EXOC3: variants seen among roughly 807,000 people sequenced by gnomAD.
EXOC3 encodes the protein exocyst complex component 3, also known as SEC6-like 1.
In EXOC3, 21 loss-of-function variants were observed where a neutral mutation model predicts 73.7. That is an observed-to-expected ratio of 0.29 (90% confidence interval 0.20 to 0.41). EXOC3 has a LOEUF of 0.41. EXOC3 is among the 10% of genes least tolerant of loss of function. The pLI is 1.00. For synonymous variants in EXOC3, 410 were observed against 389.1 expected (o/e 1.05, Z -0.63); for missense variants, 842 against 985.1 (o/e 0.85, Z 1.95).
At chr5:456,290 A>C (rs1737805911) in intron 4 of EXOC3, among the ~76,000 whole-genome samples, 1 of 152,208 alleles carries the variant, frequency 6.6e-6, no homozygotes, top group African/African-American at 2.4e-5. Context: ...CTATGGAAAT[A>C]GTTGTTCTAT....
intron 4 of EXOC3, among the ~76,000 whole-genome samples, chr5:454,867 C>CCT (rs1737758385): frequency 2.7e-5 from 2 of 73,468 alleles, no homozygotes; most frequent in Non-Finnish European, 4.9e-5. Context: ...GAATAAACCT[C>CCT]ATTTTTTTTT....
In EXOC3 at chr5:447,715, C is replaced by T. The variant is rs778362884; in HGVS notation, c.327C>T (p.Leu109=). Residue 109 remains leucine (L), a synonymous_variant, in exon 3 of 13, where the codon CTC becomes CTT. Transcript: ENST00000512944. ...ACGCCGTGGTGCAGCACAGCCAGCT[C>T]GCCGCAGCCGTGGAGAACCTCAAGA... ...VKDAVVQHSQ[L]AAAVENLKNI... 72 of 1,582,560 alleles carry T rather than the reference C, an allele frequency of 4.5e-5. No homozygotes were observed. Among genetic ancestry groups the T allele is most frequent in the Non-Finnish European group, 5.7e-5 (66 of 1,162,934 alleles).
chr5:465,351 C>T (rs1738111803), intron 11 of EXOC3, 79 bp downstream of exon 11: 2 of 1,455,258 alleles, frequency 1.4e-6, no homozygotes, highest in East Asian at 2.5e-5. Flanking sequence ...GGACTCGGGC[C>T]AGTAGATGGG....
rs761437709 is a variant in EXOC3, at chr5:457,983, G to A, written c.1248G>A (p.Gln416=). The A allele has an allele frequency of 5.0e-6, 8 of 1,612,760 alleles. No homozygotes were observed. Among genetic ancestry groups the A allele is most frequent in the Non-Finnish European group, 6.8e-6 (8 of 1,179,350 alleles). Residue 416 remains glutamine, a synonymous_variant, in exon 6 of 13, where the codon CAG becomes CAA. Transcript: ENST00000512944. ...AAGAGACAGAGCCAGAAGCCGACCA[G>A]GACGGGTACTACCAGACCACACTCC... ...WVKETEPEAD[Q]DGYYQTTLPA...
intron 9 of EXOC3, among the ~76,000 whole-genome samples, chr5:464,062 C>G (rs2434695): frequency 0.58 from 87,518 of 151,994 alleles, 26,477 homozygotes; most frequent in African/African-American, 0.79. Flanking sequence ...ACGGAAGTGC[C>G]TCCCTCCCAC....
intron 2 of EXOC3, among the ~76,000 whole-genome samples, chr5:446,631 G>A (rs1350015998): frequency 6.6e-6 from 1 of 152,208 alleles, no homozygotes; most frequent in Non-Finnish European, 1.5e-5. Context: ...GCCGAGGCAG[G>A]CGGATCACCT....
At chr5:457,792 T>C (rs1271678042) in intron 5 of EXOC3, 108 bp from the exon 6 acceptor site, 4 of 1,221,864 alleles carry the variant, frequency 3.3e-6, no homozygotes, top group Non-Finnish European at 4.5e-6. Context: ...GCTGGTGCCC[T>C]GTGTCTGGTT....
Position 462,210 on chromosome 5 carries a change from G to T in EXOC3, c.1556G>T (p.Gly519Val), listed in dbSNP as rs779396819. ...TATTTAAAGAATGAAGTGGAAGAGG[G>T]TGTGTCTCCGAGCCAGCCCAGCATG... ...RKYLKNEVEE[G>V]VSPSQPSMDG... Residue 519 changes from glycine (G) to valine (V), a missense_variant, in exon 9 of 13, where the codon GGT becomes GTT. Coordinates refer to ENST00000512944, the MANE Select transcript of EXOC3 (RefSeq NM_007277.5). The T allele has an allele frequency of 4.8e-5, 78 of 1,613,860 alleles. No individual in the cohort carries two copies. In the Middle Eastern group the frequency reaches 4.9e-4, roughly 10 times the overall value.
intron 1 of EXOC3, among the ~76,000 whole-genome samples, chr5:445,792 G>T (rs563240368): frequency 6.6e-6 from 1 of 152,308 alleles, no homozygotes; most frequent in East Asian, 1.9e-4. Context: ...GCCTGGCCAA[G>T]GTGCTGGGGG....
chr5:459,442 G>T lies in EXOC3; in HGVS notation c.1374G>T (p.Met458Ile), dbSNP rs1737918345. The T allele has an allele frequency of 6.5e-7, 1 of 1,545,838 alleles. No homozygotes were observed. Among genetic ancestry groups the T allele is most frequent in the East Asian group, 2.3e-5 (1 of 43,698 alleles). The stretch of plus-strand genomic sequence containing the variant: ...TACTAGTTTTATGTCTTCAGCAGAT[G>T]AATTCTTTCCTAAGCAGGTATGTCT... ...TKVLVLCLQQ[M>I]NSFLSRYKDE... The change falls in exon 7 of 13, where the codon ATG becomes ATT. Residue 458 changes from methionine (M) to isoleucine (I), a missense_variant. Coordinates refer to ENST00000512944, the MANE Select transcript of EXOC3 (RefSeq NM_007277.5).
chr5:456,823 G>C, intron 4 of EXOC3, 66 bp from the exon 5 acceptor site: 1 of 1,219,918 alleles, frequency 8.2e-7, no homozygotes, highest in Non-Finnish European at 1.2e-6. Flanking sequence ...AACAGTCTCG[G>C]CACACTTGGG....
intron 11 of EXOC3, 132 bp downstream of exon 11, chr5:465,404 G>T: frequency 9.3e-7 from 1 of 1,079,652 alleles, no homozygotes. Context: ...CTGGGTCCAG[G>T]TCCTGCCTGA....
chr5:463,816 C>A (rs1213384779), intron 9 of EXOC3, among the ~76,000 whole-genome samples: 2 of 152,156 alleles, frequency 1.3e-5, no homozygotes, highest in Non-Finnish European at 1.5e-5. Context: ...TTTAAATGTC[C>A]ATCAATAGAG....
At chr5:450,436 G>C (rs1400936676) in intron 3 of EXOC3, among the ~76,000 whole-genome samples, 1 of 152,178 alleles carries the variant, frequency 6.6e-6, no homozygotes, top group Non-Finnish European at 1.5e-5. Flanking sequence ...AAAAACCTGA[G>C]TCTTAATTTG....
intron 1 of EXOC3, among the ~76,000 whole-genome samples, chr5:444,019 G>C (rs1260783758): frequency 6.6e-6 from 1 of 151,972 alleles, no homozygotes; most frequent in Non-Finnish European, 1.5e-5. Context: ...CTCGGCGCAG[G>C]CGTCCCCCCG....
In EXOC3 at chr5:455,538, G is replaced by A. The variant is rs1450718821; in HGVS notation, c.1047-1351G>A. Among the ~76,000 whole-genome samples the A allele has an allele frequency of 3.3e-5, 5 of 152,206 alleles. No homozygotes were observed. The South Asian group carries it at 6.2e-4, about 19-fold the overall frequency. The stretch of plus-strand genomic sequence containing the variant: ...GGAAGCTCTCGGATTTCTTATAGTG[G>A]ACTGGCTCTTAATCATTTTATTCAG... On this transcript the variant is annotated intron_variant, in intron 4 of 12. Coordinates refer to ENST00000512944, the MANE Select transcript of EXOC3 (RefSeq NM_007277.5).
Position 466,841 on chromosome 5 carries a change from G to A in EXOC3, c.2181G>A (p.Val727=). The part of the protein sequence containing the change: ...QGPAQASPSY[V]PLFKDIVVPS... ...CAGCACAGGCCAGCCCCAGCTACGTGCCCCTCTTCAAGGACATTGTGGTGC... is the reference window on the plus strand; with the variant it reads ...CAGCACAGGCCAGCCCCAGCTACGTACCCCTCTTCAAGGACATTGTGGTGC... Residue 727 remains valine, a synonymous_variant, in exon 13 of 13, where the codon GTG becomes GTA. Coordinates refer to ENST00000512944, the MANE Select transcript of EXOC3 (RefSeq NM_007277.5). The A allele has an allele frequency of 6.2e-7, 1 of 1,613,162 alleles. No individual in the cohort carries two copies. The highest frequency in any genetic ancestry group is 2.2e-5 in the East Asian group (1 of 44,866).
rs752716798 is a variant in EXOC3 at position 461,981 on chromosome 5, G to A, written c.1413G>A (p.Leu471=). The A allele has an allele frequency of 6.3e-7, 1 of 1,597,408 alleles. No homozygotes were observed. The highest frequency in any genetic ancestry group is 8.5e-7 in the Non-Finnish European group (1 of 1,171,754). ...TCAGATATAAAGATGAAGCGCAGCT[G>A]TATAAAGAAGAGCACCTGAGGAATC... ...FLSRYKDEAQ[L]YKEEHLRNRQ... The change falls in exon 8 of 13, where the codon CTG becomes CTA. Residue 471 remains leucine (L), a synonymous_variant. Transcript: ENST00000512944.
intron 1 of EXOC3, chr5:444,924 A>G (rs1369547074): frequency 1.5e-5 from 2 of 134,722 alleles, no homozygotes; most frequent in Non-Finnish European, 3.5e-5. Context: ...TGTCCTGTCC[A>G]GATTTTCTAC....
Sources: gnomAD v4.1 joint callset for allele counts (sites outside exome capture counted in the v4.1 genomes callset) on GRCh38, gnomAD v4.1.1 for gene constraint, MANE v1.5 for transcripts, NCBI Gene and HGNC (gene_info 2026-07-23, HGNC 2026-07-21) for gene names.